HECW1: variants seen among roughly 807,000 people sequenced by gnomAD.
HECW1 encodes the protein E3 ubiquitin-protein ligase HECW1.
In HECW1, 61 loss-of-function variants were observed where a neutral mutation model predicts 182.3. That is an observed-to-expected ratio of 0.33 (90% CI 0.27 to 0.41). The LOEUF is 0.41. Among genes scored for constraint, HECW1 ranks in the 10% least tolerant of loss-of-function variants. The pLI is 1.00. For missense variants in HECW1, 1,739 were observed against 2,108.9 expected (o/e 0.82, Z 3.44); for synonymous variants, 859 against 832.6 (o/e 1.03, Z -0.55).
intron 3 of HECW1, among the ~76,000 whole-genome samples, chr7:43,251,564 C>CCTTGG (rs1305413589): frequency 6.6e-6 from 1 of 152,176 alleles, no homozygotes; most frequent in African/African-American, 2.4e-5. Flanking sequence ...GATCCGCCCA[C>CCTTGG]CTTGGCCTCC....
intron 2 of HECW1, among the ~76,000 whole-genome samples, chr7:43,150,072 A>G (rs1353039325): frequency 2.0e-5 from 3 of 152,192 alleles, no homozygotes; most frequent in African/African-American, 7.2e-5. Context: ...ATGATAACTA[A>G]CATTTATTGT....
At chr7:43,259,747 G>A (rs1477973765) in intron 3 of HECW1, among the ~76,000 whole-genome samples, 1 of 152,166 alleles carries the variant, frequency 6.6e-6, no homozygotes, top group African/African-American at 2.4e-5. Context: ...TTAAAGAATG[G>A]TTAATAGAAA....
At chr7:43,291,608 A>T (rs557928406) in intron 3 of HECW1, among the ~76,000 whole-genome samples, 40 of 152,386 alleles carry the variant, frequency 2.6e-4, no homozygotes, top group Admixed American at 1.4e-3. Flanking sequence ...TCTTTAAAAG[A>T]AACTACTATT....
intron 5 of HECW1, among the ~76,000 whole-genome samples, chr7:43,323,580 G>A (rs1036211305): frequency 6.6e-6 from 1 of 152,120 alleles, no homozygotes. Context: ...ACTCCAGCCT[G>A]GGCGGCAGAA....
intron 6 of HECW1, among the ~76,000 whole-genome samples, chr7:43,363,409 C>T (rs1816213439): frequency 6.6e-6 from 1 of 152,186 alleles, no homozygotes; most frequent in Non-Finnish European, 1.5e-5. Context: ...ATACTTCAAA[C>T]TCTGGCATCT....
intron 2 of HECW1, among the ~76,000 whole-genome samples, chr7:43,133,101 A>T (rs1404861975): frequency 6.6e-6 from 1 of 152,118 alleles, no homozygotes; most frequent in South Asian, 2.1e-4. Context: ...TGAAATGATC[A>T]ATTACATTAA....
chr7:43,483,545 C>CTTTT (rs1489317786), intron 17 of HECW1, among the ~76,000 whole-genome samples: 2 of 101,242 alleles, frequency 2.0e-5, no homozygotes, highest in Non-Finnish European at 4.7e-5. Flanking sequence ...TCCATGCAAA[C>CTTTT]TCTTTTTTTT....
intron 29 of HECW1, among the ~76,000 whole-genome samples, chr7:43,557,167 G>A (rs1585298773): frequency 6.6e-6 from 1 of 152,216 alleles, no homozygotes; most frequent in African/African-American, 2.4e-5. Context: ...GACCTGACCT[G>A]ACTATGGCAG....
chr7:43,535,852 A>G (rs1207366675), intron 24 of HECW1, among the ~76,000 whole-genome samples: 1 of 152,206 alleles, frequency 6.6e-6, no homozygotes, highest in Non-Finnish European at 1.5e-5. Context: ...TATTTTATAT[A>G]TCACTTGTAT....
intron 2 of HECW1, among the ~76,000 whole-genome samples, chr7:43,242,037 G>C (rs1798942571): frequency 6.6e-6 from 1 of 152,098 alleles, no homozygotes; most frequent in South Asian, 2.1e-4. Context: ...CAAGTGGCCA[G>C]AGTGTCACAG....
chr7:43,420,919 G>A (rs1443287503), intron 8 of HECW1, among the ~76,000 whole-genome samples: 1 of 152,098 alleles, frequency 6.6e-6, no homozygotes, highest in Admixed American at 6.6e-5. Flanking sequence ...TGGGAGATAT[G>A]TTAATGTAAC....
At chr7:43,142,483 T>A (rs9639869) in intron 2 of HECW1, among the ~76,000 whole-genome samples, 68,309 of 151,888 alleles carry the variant, frequency 0.45, 15,498 homozygotes, top group African/African-American at 0.46. Context: ...GAGGGTGGGC[T>A]GCTGTGCCCA....
At chr7:43,131,910 T>A (rs1371472831) in intron 2 of HECW1, among the ~76,000 whole-genome samples, 2 of 152,206 alleles carry the variant, frequency 1.3e-5, no homozygotes, top group Admixed American at 6.5e-5. Flanking sequence ...TGCTGTCTTA[T>A]GACCGAGGAT....
chr7:43,148,443 C>G (rs1443290584), intron 2 of HECW1, among the ~76,000 whole-genome samples: 1 of 151,456 alleles, frequency 6.6e-6, no homozygotes, highest in Non-Finnish European at 1.5e-5. Context: ...GTCCTCATGC[C>G]CAAGCCATTC....
At position 43,331,549 on chromosome 7, in the gene HECW1, C is replaced by T. The variant is rs541893998; in HGVS notation, c.460+10807C>T. On this transcript the variant is annotated intron_variant, in intron 5 of 29. Coordinates refer to ENST00000395891, the MANE Select transcript of HECW1 (RefSeq NM_015052.5). ...TGGAGTTTGCAGTGAGCCGAGATTG[C>T]GCCACTGCACTCCAGCCTGGGCGAC... 6.8e-4 allele frequency among the ~76,000 whole-genome samples: 103 copies of T among 150,872 alleles called. 1 individual carries two copies. Among genetic ancestry groups the T allele is most frequent in the East Asian group, 1.9e-3 (10 of 5,130 alleles).
chr7:43,237,569 A>G (rs1335452006), intron 2 of HECW1, among the ~76,000 whole-genome samples: 1 of 152,186 alleles, frequency 6.6e-6, no homozygotes. Context: ...AAGTGTAGAC[A>G]GTTATAGGAA....
intron 2 of HECW1, among the ~76,000 whole-genome samples, chr7:43,204,892 A>G (rs1228223710): frequency 6.6e-6 from 1 of 152,150 alleles, no homozygotes; most frequent in Non-Finnish European, 1.5e-5. Context: ...ACTGGGAGAC[A>G]AGAGAGCTAT....
chr7:43,549,823 G>T (rs369198880), intron 26 of HECW1, among the ~76,000 whole-genome samples: 227 of 152,314 alleles, frequency 1.5e-3, no homozygotes, highest in African/African-American at 5.2e-3. Flanking sequence ...TTAAGAATTT[G>T]CTGTCATTGA....
chr7:43,440,412 AC>A (rs2076849861), intron 9 of HECW1: 1 of 152,182 alleles, frequency 6.6e-6, no homozygotes, highest in South Asian at 2.1e-4. Flanking sequence ...TGTAACTCTA[AC>A]CATCTCACCT....
Sources: gnomAD v4.1 joint callset for allele counts (sites outside exome capture counted in the v4.1 genomes callset) on GRCh38, gnomAD v4.1.1 for gene constraint, MANE v1.5 for transcripts, NCBI Gene and HGNC (gene_info 2026-07-23, HGNC 2026-07-21) for gene names.